RUNDC3B: variants seen among roughly 807,000 people sequenced by gnomAD.
RUNDC3B encodes RUN domain-containing protein 3B.
In RUNDC3B, 33 loss-of-function variants were observed where a neutral mutation model predicts 58.4. That is an observed-to-expected ratio of 0.56 (90% CI 0.43 to 0.75). The LOEUF is 0.75. Among genes scored for constraint, RUNDC3B ranks in the 30% least tolerant of loss-of-function variants. The probability of loss-of-function intolerance (pLI) is 0.00; values close to 1 mark genes in which losing one functional copy is unlikely to be tolerated. For missense variants in RUNDC3B, 501 were observed against 535.7 expected (o/e 0.94, Z 0.64); for synonymous variants, 193 against 195.2 (o/e 0.99, Z 0.10).
intron 4 of RUNDC3B, among the ~76,000 whole-genome samples, chr7:87,733,567 C>A (rs761494324): frequency 3.9e-5 from 6 of 152,156 alleles, no homozygotes; most frequent in Non-Finnish European, 5.9e-5. Flanking sequence ...GATAAGGCAG[C>A]GGTCCCCAAC....
At chr7:87,804,442 G>A (rs1396825011) in intron 8 of RUNDC3B, among the ~76,000 whole-genome samples, 1 of 152,026 alleles carries the variant, frequency 6.6e-6, no homozygotes, top group African/African-American at 2.4e-5. Context: ...TTGAGTCATT[G>A]CAGTAATAAA....
chr7:87,760,721 A>G (rs974282021), intron 6 of RUNDC3B, among the ~76,000 whole-genome samples: 2 of 152,206 alleles, frequency 1.3e-5, no homozygotes, highest in East Asian at 1.9e-4. Context: ...AAACCATTCA[A>G]TGGATAAAGA....
At chr7:87,752,472 C>G (rs1833071490) in intron 6 of RUNDC3B, among the ~76,000 whole-genome samples, 1 of 152,094 alleles carries the variant, frequency 6.6e-6, no homozygotes, top group African/African-American at 2.4e-5. Flanking sequence ...CCATGTACCT[C>G]TGGTAGAATT....
intron 8 of RUNDC3B, among the ~76,000 whole-genome samples, chr7:87,803,756 AT>A (rs1836292573): frequency 6.6e-6 from 1 of 152,174 alleles, no homozygotes; most frequent in African/African-American, 2.4e-5. Context: ...TTGTGAATAT[AT>A]TTTTTTCGAT....
chr7:87,822,519 C>T (rs1160006370), intron 10 of RUNDC3B, among the ~76,000 whole-genome samples: 3 of 152,136 alleles, frequency 2.0e-5, no homozygotes, highest in Non-Finnish European at 2.9e-5. Context: ...ACCATTTGAC[C>T]CATCCATCCC....
At chr7:87,659,293 C>T (rs1185513001) in intron 2 of RUNDC3B, 1 of 369,622 alleles carries the variant, frequency 2.7e-6, no homozygotes, top group Non-Finnish European at 5.3e-6. Context: ...CTTGGTTTCT[C>T]TGTTTTCTTT....
At chr7:87,691,669 G>A (rs902996658) in intron 2 of RUNDC3B, among the ~76,000 whole-genome samples, 4 of 152,024 alleles carry the variant, frequency 2.6e-5, no homozygotes, top group East Asian at 1.9e-4. Flanking sequence ...AAGGATTTAC[G>A]TTTTATATAA....
intron 10 of RUNDC3B, among the ~76,000 whole-genome samples, chr7:87,827,705 T>A (rs1394518256): frequency 1.3e-5 from 2 of 152,140 alleles, no homozygotes; most frequent in African/African-American, 4.8e-5. Context: ...CTATTCTCAG[T>A]ATAAGACAAA....
chr7:87,628,915 TG>T lies in RUNDC3B; in HGVS notation c.94del (p.Glu32ArgfsTer5). The stretch of plus-strand genomic sequence containing the variant: ...AGCCTGAGCGCCCGCAATGCTGCGG[TG>T]GAGAGGAGGAACCTGATCACCGTGT... ...KKSLSARNAA[V>X]ERRNLITVCR... On this transcript the variant is annotated frameshift_variant, in exon 1 of 11. Transcript: ENST00000394654. LOFTEE classifies it high-confidence loss of function. 1.5e-6 allele frequency: 2 copies of T among 1,309,240 alleles called. No homozygotes were observed. Among genetic ancestry groups the T allele is most frequent in the Non-Finnish European group, 9.8e-7 (1 of 1,020,622 alleles). 81.1% of individuals were successfully genotyped at this position (1,309,240 alleles called of 1,614,324 possible). A position where few individuals can be genotyped will look rare whatever the true frequency, so the allele number is the denominator to read the frequency against.
rs180750157 is a variant in RUNDC3B, at chr7:87,729,758, T to A, written c.459-10033T>A. Among the ~76,000 whole-genome samples, 303 of 152,180 alleles carry A rather than the reference T, an allele frequency of 2.0e-3. 1 individual carries two copies. The highest frequency in any genetic ancestry group is 3.3e-3 in the Non-Finnish European group (222 of 67,986). The stretch of plus-strand genomic sequence containing the variant: ...ACACCAGCTAGTGCAGCCAAGAGAG[T>A]GCTTGCATCATCGCTGCCCCAAACA... On this transcript the variant is annotated intron_variant, in intron 4 of 10. Transcript: ENST00000394654.
At chr7:87,664,779 A>T (rs1825063306) in intron 2 of RUNDC3B, among the ~76,000 whole-genome samples, 6 of 152,174 alleles carry the variant, frequency 3.9e-5, no homozygotes, top group Admixed American at 3.9e-4. Context: ...TCTTAGAAGG[A>T]GAGGAGGAAG....
intron 6 of RUNDC3B, among the ~76,000 whole-genome samples, chr7:87,742,258 A>C (rs990848266): frequency 2.0e-5 from 3 of 152,130 alleles, no homozygotes; most frequent in African/African-American, 7.2e-5. Flanking sequence ...ATTTGATTAC[A>C]TGAGTAAGTT....
intron 2 of RUNDC3B, among the ~76,000 whole-genome samples, chr7:87,678,541 T>C (rs576482285): frequency 2.7e-4 from 41 of 151,372 alleles, no homozygotes; most frequent in Non-Finnish European, 5.0e-4. Flanking sequence ...AAGAAGGTGG[T>C]GAAAAAAGGG....
intron 4 of RUNDC3B, among the ~76,000 whole-genome samples, chr7:87,729,240 G>A (rs1377846544): frequency 2.0e-5 from 3 of 151,406 alleles, no homozygotes; most frequent in Admixed American, 6.6e-5. Flanking sequence ...AGAACTATCC[G>A]AACAAAAAAA....
chr7:87,820,599 A>T (rs1837363658), intron 10 of RUNDC3B, among the ~76,000 whole-genome samples: 1 of 152,248 alleles, frequency 6.6e-6, no homozygotes, highest in African/African-American at 2.4e-5. Flanking sequence ...AGAGAATTCT[A>T]GACCAATATC....
At chr7:87,782,262 C>T (rs977573643) in intron 8 of RUNDC3B, among the ~76,000 whole-genome samples, 1 of 152,084 alleles carries the variant, frequency 6.6e-6, no homozygotes. Context: ...GTGCATAAAA[C>T]TGTTCGTAAT....
chr7:87,637,237 G>C (rs1212230713), intron 1 of RUNDC3B, among the ~76,000 whole-genome samples: 1 of 152,134 alleles, frequency 6.6e-6, no homozygotes, highest in Non-Finnish European at 1.5e-5. Context: ...TAGGTGACTG[G>C]ATAATTTGTG....
intron 9 of RUNDC3B, among the ~76,000 whole-genome samples, chr7:87,814,540 C>T (rs559613447): frequency 6.6e-6 from 1 of 152,076 alleles, no homozygotes; most frequent in Admixed American, 6.6e-5. Flanking sequence ...GTTTATTCTG[C>T]CATAAAGTGC....
intron 2 of RUNDC3B, 37 bp from the exon 3 acceptor site, chr7:87,700,384 C>T: frequency 6.6e-7 from 1 of 1,517,164 alleles, no homozygotes; most frequent in Non-Finnish European, 8.9e-7. Flanking sequence ...TTTTATTTTA[C>T]TTTTTAAAAT....
Sources: allele counts gnomAD v4.1 joint callset (sites outside exome capture counted in the v4.1 genomes callset), GRCh38; gene constraint gnomAD v4.1.1; transcripts MANE v1.5; gene names NCBI Gene and HGNC (gene_info 2026-07-23, HGNC 2026-07-21).